DNAH2: variants seen among roughly 807,000 people sequenced by gnomAD.
DNAH2 encodes dynein axonemal heavy chain 2.
Under a neutral mutation model 523.5 loss-of-function variants are expected in DNAH2, and 323 were observed. The ratio of observed to expected loss-of-function variants is 0.62; its 90% CI spans 0.56 to 0.68. DNAH2 has a LOEUF of 0.68. Ranked by LOEUF, DNAH2 falls within the 30% of genes least tolerant of loss-of-function variation. The pLI is 0.00. For synonymous variants in DNAH2, 2,093 were observed against 2,177.4 expected, an observed-to-expected ratio of 0.96 and a Z score of 1.08; for missense variants, 4,907 against 5,701.5, an observed-to-expected ratio of 0.86 and a Z score of 4.49.
intron 85 of DNAH2, 44 bp from the exon 86 acceptor site, chr17:7,833,335 C>T: frequency 6.2e-7 from 1 of 1,610,298 alleles, no homozygotes. Context: ...GCCCTGCTCT[C>T]CCGGAGGCTC....
chr17:7,823,186 C>T (rs1045705053), intron 73 of DNAH2, among the ~76,000 whole-genome samples: 4 of 151,376 alleles, frequency 2.6e-5, no homozygotes, highest in African/African-American at 9.7e-5. Context: ...CTCAGCTACT[C>T]AGGAGGCTGA....
chr17:7,789,534 A>G (rs918381816), intron 44 of DNAH2, among the ~76,000 whole-genome samples: 4 of 151,510 alleles, frequency 2.6e-5, no homozygotes, highest in African/African-American at 7.3e-5. Flanking sequence ...ATGGCAGACA[A>G]TTGATTCTTA....
chr17:7,750,874 G>A (rs982211758), intron 12 of DNAH2, among the ~76,000 whole-genome samples: 1 of 151,886 alleles, frequency 6.6e-6, no homozygotes, highest in African/African-American at 2.4e-5. Flanking sequence ...CAATAAAGAC[G>A]GTAAAAACAC....
In DNAH2 at chr17:7,797,705, G is replaced by T; in HGVS notation, c.8106G>T (p.Val2702=). The T allele has an allele frequency of 2.5e-6, 4 of 1,614,140 alleles. No homozygotes were observed. Among genetic ancestry groups the T allele is most frequent in the Non-Finnish European group, 2.5e-6 (3 of 1,180,022 alleles). ...GGGATTTCCTGAAGGAGCCCAAGGT[G>T]TATGAAGACCTCACGGATCTGACAG... The part of the protein sequence containing the change: ...IFGDFLKEPK[V]YEDLTDLTVL... The change falls in exon 53 of 86, where the codon GTG becomes GTT. Residue 2702 remains valine, a synonymous_variant. Coordinates refer to ENST00000572933, the MANE Select transcript of DNAH2 (RefSeq NM_020877.5).
chr17:7,833,383 G>C lies in DNAH2; in HGVS notation c.13134G>C (p.Met4378Ile). ...TTCTCCTCTCCTTTCCCCCAGGCAT[G>C]TACTCCTGCCCCTGCTATTACTATC... ...AESRKKSAKG[M>I]YSCPCYYYPN... Residue 4378 changes from methionine (M) to isoleucine (I), a missense_variant, in exon 86 of 86, where the codon ATG becomes ATC. This residue lies in a region of DNAH2 where 1,851 missense variants were observed against 2,139.4 expected (regional missense o/e 0.87). Coordinates refer to ENST00000572933, the MANE Select transcript of DNAH2 (RefSeq NM_020877.5). 4.3e-6 allele frequency: 7 copies of C among 1,614,006 alleles called. No homozygotes were observed. In the South Asian group the frequency reaches 6.6e-5, roughly 15 times the overall value.
In DNAH2 at chr17:7,793,297, T is replaced by C. The variant is rs554574413; in HGVS notation, c.7569+92T>C. 152 of 1,315,960 alleles carry C rather than the reference T, an allele frequency of 1.2e-4. No individual in the cohort carries two copies. The African/African-American group carries it at 2.0e-3, about 17-fold the overall frequency. 81.5% of individuals were successfully genotyped at this position (1,315,960 alleles called of 1,614,324 possible). A position where few individuals can be genotyped will look rare whatever the true frequency, so the allele number is the denominator to read the frequency against. The stretch of plus-strand genomic sequence containing the variant: ...ACTGGGGCCCCAGGCTATGGTCCTG[T>C]CATCTTGGATTCCTTCCCACACAGG... On this transcript the variant is annotated intron_variant, in intron 48 of 85. Transcript: ENST00000572933.
chr17:7,761,643 C>T (rs1173063800), intron 18 of DNAH2, among the ~76,000 whole-genome samples: 1 of 152,040 alleles, frequency 6.6e-6, no homozygotes, highest in East Asian at 1.9e-4. Context: ...CACCACCACG[C>T]CTGGCTAATT....
At position 7,775,347 on chromosome 17, in the gene DNAH2, G is replaced by A; in HGVS notation, c.4821+5G>A. 1 of 1,608,070 alleles carries A rather than the reference G, an allele frequency of 6.2e-7. No individual in the cohort carries two copies. Among genetic ancestry groups the A allele is most frequent in the South Asian group, 1.1e-5 (1 of 89,988 alleles). ...TTTTTAGAAGGCCCTGTGGAGGTGA[G>A]TTGTGGTGAGGGTCTGAGGACCTAG... On this transcript the variant is annotated splice_donor_5th_base_variant and intron_variant, in intron 30 of 85. Coordinates refer to ENST00000572933, the MANE Select transcript of DNAH2 (RefSeq NM_020877.5).
Position 7,832,495 on chromosome 17 carries a change from G to C in DNAH2, c.12727-84G>C. On this transcript the variant is annotated intron_variant, in intron 82 of 85. Coordinates refer to ENST00000572933, the MANE Select transcript of DNAH2 (RefSeq NM_020877.5). The surrounding 1 kb of genome is among the most constrained non-coding windows in gnomAD (Gnocchi z 4.3). Reference sequence around the variant, plus strand: ...CTGCACTCCAGCCTGGGGGACAAGAGCAAAACTCTGTCTCTAAATAAATAA... The same window carrying C: ...CTGCACTCCAGCCTGGGGGACAAGACCAAAACTCTGTCTCTAAATAAATAA... The C allele has an allele frequency of 6.6e-7, 1 of 1,521,974 alleles. No individual in the cohort carries two copies. Among genetic ancestry groups the C allele is most frequent in the South Asian group, 1.2e-5 (1 of 80,564 alleles). 94.3% of individuals were successfully genotyped at this position (1,521,974 alleles called of 1,614,324 possible). A position where few individuals can be genotyped will look rare whatever the true frequency, so the allele number is the denominator to read the frequency against.
Position 7,799,394 on chromosome 17 carries a change from C to T in DNAH2, c.8699+152C>T, listed in dbSNP as rs555003046. On this transcript the variant is annotated intron_variant, in intron 56 of 85. Coordinates refer to ENST00000572933, the MANE Select transcript of DNAH2 (RefSeq NM_020877.5). ...CCTTTCCTTAGGCTGTGCCTGATTT[C>T]AGGAAGTTCCTTTGGTGGACATGGG... is the stretch of plus-strand genomic sequence containing the variant. 176 of 1,151,060 alleles carry T rather than the reference C, an allele frequency of 1.5e-4. 1 individual carries two copies. In the South Asian group the frequency reaches 2.2e-3, roughly 14 times the overall value. The allele number at this position is 1,151,060 out of a possible 1,614,324, so 71.3% of individuals were successfully genotyped here.
intron 73 of DNAH2, 70 bp from the exon 74 acceptor site, chr17:7,823,372 G>GAGC: frequency 9.3e-7 from 1 of 1,071,976 alleles, no homozygotes; most frequent in Non-Finnish European, 1.3e-6. Flanking sequence ...AGAGAGAGAG[G>GAGC]AGAAAAAGAT....
intron 4 of DNAH2, among the ~76,000 whole-genome samples, chr17:7,730,501 C>T (rs566322994): frequency 6.6e-6 from 1 of 152,196 alleles, no homozygotes; most frequent in Non-Finnish European, 1.5e-5. Flanking sequence ...AAAGGACACA[C>T]TGTATTCCAC....
rs989384885 is a variant in DNAH2 at position 7,818,568 on chromosome 17, T to C, written c.10537-75T>C. The C allele has an allele frequency of 6.2e-6, 10 of 1,602,742 alleles. No homozygotes were observed. The African/African-American group carries it at 1.2e-4, about 19-fold the overall frequency. On this transcript the variant is annotated intron_variant, in intron 69 of 85. Transcript: ENST00000572933. ...TGGGCAGCTGAGGATGAGGGGTCTT[T>C]CAAGGTGGAAAGAGATGAGGAAGGT...
At chr17:7,742,062 G>A (rs1011726180) in intron 11 of DNAH2, among the ~76,000 whole-genome samples, 2 of 152,170 alleles carry the variant, frequency 1.3e-5, no homozygotes, top group South Asian at 4.1e-4. Context: ...CAGAGACCTG[G>A]ACAGGTGACA....
In DNAH2 at chr17:7,798,549, C is replaced by T. The variant is rs543965645; in HGVS notation, c.8399-9C>T. ...CAGTGAGTTTGTCCTCCTTCCCTCC[C>T]CCGGCCAGATATCAAGCGTCTGTAT... On this transcript the variant is annotated splice_polypyrimidine_tract_variant and intron_variant, in intron 54 of 85. Coordinates refer to ENST00000572933, the MANE Select transcript of DNAH2 (RefSeq NM_020877.5). The surrounding 1 kb of genome is among the most constrained non-coding windows in gnomAD (Gnocchi z 5.5). The T allele has an allele frequency of 2.5e-6, 4 of 1,613,692 alleles. No individual in the cohort carries two copies. The highest frequency in any genetic ancestry group is 3.4e-6 in the Non-Finnish European group (4 of 1,179,900).
At chr17:7,806,648 C>A (rs2077373968) in intron 61 of DNAH2, among the ~76,000 whole-genome samples, 1 of 103,600 alleles carries the variant, frequency 9.7e-6, no homozygotes. Flanking sequence ...AACAGAGCGA[C>A]ACTCCATCTC....
Position 7,824,682 on chromosome 17 carries a change from C to T in DNAH2, c.11808C>T (p.Ile3936=), listed in dbSNP as rs997674416. ...LSSIPHPDFP[I]SILQVSIKMT... is the part of the protein sequence containing the mutation. Reference sequence around the variant, plus strand: ...CCATCCCCCACCCAGACTTCCCTATCTCAATCTTGCAGGTCAGCATCAAGA... The same window carrying T: ...CCATCCCCCACCCAGACTTCCCTATTTCAATCTTGCAGGTCAGCATCAAGA... The change falls in exon 77 of 86, where the codon ATC becomes ATT. Residue 3936 remains isoleucine (I), a synonymous_variant. Coordinates refer to ENST00000572933, the MANE Select transcript of DNAH2 (RefSeq NM_020877.5). The T allele has an allele frequency of 1.9e-6, 3 of 1,600,070 alleles. No homozygotes were observed. The Admixed American group carries it at 5.1e-5, about 27-fold the overall frequency.
chr17:7,731,130 A>T (rs4968209), intron 4 of DNAH2, among the ~76,000 whole-genome samples: 7,316 of 102,076 alleles, frequency 0.072, 458 homozygotes, highest in East Asian at 0.46. Context: ...ATAAATAAAT[A>T]AATTAATTAA....
intron 36 of DNAH2, 131 bp downstream of exon 36, chr17:7,779,554 C>A: frequency 9.7e-7 from 1 of 1,028,874 alleles, no homozygotes; most frequent in Non-Finnish European, 1.4e-6. Flanking sequence ...CTAAAGATAG[C>A]AAAGGGGAGA....
Sources: allele counts gnomAD v4.1 joint callset (sites outside exome capture counted in the v4.1 genomes callset), GRCh38; gene constraint gnomAD v4.1.1; regional missense constraint gnomAD v4.1.1; non-coding constraint Gnocchi (gnomAD v3.1); transcripts MANE v1.5; gene names NCBI Gene and HGNC (gene_info 2026-07-23, HGNC 2026-07-21).